SLC8A1: variants seen among roughly 807,000 people sequenced by gnomAD.
SLC8A1 encodes solute carrier family 8 member A1.
Under a neutral mutation model 68.3 loss-of-function variants are expected in SLC8A1, and 18 were observed. That is an observed-to-expected ratio of 0.26 (90% confidence interval 0.18 to 0.39). The LOEUF (loss-of-function observed/expected upper bound fraction) is 0.39, where lower values mean the gene tolerates loss of function less well. Ranked by LOEUF, SLC8A1 falls within the 10% of genes least tolerant of loss-of-function variation. The pLI is 1.00. For missense variants in SLC8A1, 985 were observed against 1,156.7 expected (o/e 0.85, Z 2.15); for synonymous variants, 475 against 415.5 (o/e 1.14, Z -1.74).
At chr2:40,164,975 T>C in exon 5 of SLC8A1, 2 of 1,613,856 alleles carry the variant, frequency 1.2e-6, no homozygotes, top group Non-Finnish European at 1.7e-6. Flanking sequence ...CTGCTTGTCA[T>C]CATATTCGTC....
intron 2 of SLC8A1, among the ~76,000 whole-genome samples, chr2:40,211,546 A>G (rs2056589066): frequency 6.6e-6 from 1 of 152,202 alleles, no homozygotes; most frequent in Non-Finnish European, 1.5e-5. Context: ...GAAGATTTTC[A>G]TGTTTAGGTG....
At chr2:40,133,713 A>ATG (rs765981386) in intron 7 of SLC8A1, among the ~76,000 whole-genome samples, 58,201 of 142,584 alleles carry the variant, frequency 0.41, 11,577 homozygotes, top group East Asian at 0.64. Flanking sequence ...CCCCCCCCCC[A>ATG]CCGACTCATC....
At chr2:40,462,509 T>A (rs1046339755) in intron 1 of SLC8A1, among the ~76,000 whole-genome samples, 1 of 151,666 alleles carries the variant, frequency 6.6e-6, no homozygotes, top group Non-Finnish European at 1.5e-5. Flanking sequence ...GTATCTCATA[T>A]TAGAGAAGAT....
At chr2:40,164,057 G>C (rs1204444951) in intron 5 of SLC8A1, among the ~76,000 whole-genome samples, 1 of 152,204 alleles carries the variant, frequency 6.6e-6, no homozygotes, top group African/African-American at 2.4e-5. Context: ...ATTCTGGAAA[G>C]CAAGAGAGGG....
At chr2:40,478,483 A>G (rs114226269) in intron 1 of SLC8A1, among the ~76,000 whole-genome samples, 1,532 of 152,314 alleles carry the variant, frequency 0.01, 32 homozygotes, top group African/African-American at 0.036. Context: ...AAAAATAACT[A>G]TTTAAAGCAA....
At chr2:40,117,933 G>T (rs1395950916) in intron 7 of SLC8A1, among the ~76,000 whole-genome samples, 1 of 152,208 alleles carries the variant, frequency 6.6e-6, no homozygotes, top group Non-Finnish European at 1.5e-5. Context: ...TACTGCATCT[G>T]CAGTATGACA....
intron 2 of SLC8A1, among the ~76,000 whole-genome samples, chr2:40,375,692 C>A (rs1266430135): frequency 6.6e-6 from 1 of 152,064 alleles, no homozygotes; most frequent in Non-Finnish European, 1.5e-5. Context: ...AAGTTAATCA[C>A]TTGACAACTA....
At chr2:40,148,424 G>T (rs771241646) in intron 6 of SLC8A1, among the ~76,000 whole-genome samples, 3 of 152,168 alleles carry the variant, frequency 2.0e-5, no homozygotes, top group Non-Finnish European at 4.4e-5. Flanking sequence ...AGGATCTCCT[G>T]AATGGACTCT....
chr2:40,396,328 T>G lies in SLC8A1; in HGVS notation c.1808+32145A>C, dbSNP rs368408156. On this transcript the variant is annotated intron_variant, in intron 2 of 7. Transcript: ENST00000406785. ...CGCTGCTTTTCCCATAGAAGTCAGG[T>G]GCTCAACTACTCAACCATGAATCTC... Among the ~76,000 whole-genome samples the G allele has an allele frequency of 3.3e-5, 5 of 152,236 alleles. No individual in the cohort carries two copies. The East Asian group carries it at 7.7e-4, about 24-fold the overall frequency.
At chr2:40,262,910 A>G (rs570636174) in intron 2 of SLC8A1, among the ~76,000 whole-genome samples, 1 of 152,348 alleles carries the variant, frequency 6.6e-6, no homozygotes, top group African/African-American at 2.4e-5. Flanking sequence ...ACATAGGATG[A>G]AGTGGCCACA....
At chr2:40,259,850 A>G (rs1248624415) in intron 2 of SLC8A1, among the ~76,000 whole-genome samples, 1 of 152,118 alleles carries the variant, frequency 6.6e-6, no homozygotes. Flanking sequence ...TTGGCCATGT[A>G]TCTTCTATTA....
intron 1 of SLC8A1, among the ~76,000 whole-genome samples, chr2:40,448,975 T>C (rs919499061): frequency 4.6e-5 from 7 of 151,968 alleles, no homozygotes; most frequent in African/African-American, 1.7e-4. Flanking sequence ...ACATATGTGC[T>C]CTAACAGCCT....
intron 6 of SLC8A1, among the ~76,000 whole-genome samples, chr2:40,142,572 G>A (rs1259507085): frequency 6.6e-6 from 1 of 152,028 alleles, no homozygotes; most frequent in African/African-American, 2.4e-5. Flanking sequence ...ACTTAATTTG[G>A]GGCATCTAAA....
chr2:40,425,392 C>A (rs1696594967), intron 2 of SLC8A1, among the ~76,000 whole-genome samples: 1 of 151,798 alleles, frequency 6.6e-6, no homozygotes, highest in African/African-American at 2.4e-5. Flanking sequence ...ATCCAACAAT[C>A]ATTAAAGCTG....
intron 2 of SLC8A1, among the ~76,000 whole-genome samples, chr2:40,199,145 T>C (rs1264156119): frequency 1.3e-5 from 2 of 151,868 alleles, no homozygotes; most frequent in South Asian, 4.1e-4. Context: ...GCTAAAAAGA[T>C]GTCCATGTTT....
intron 2 of SLC8A1, among the ~76,000 whole-genome samples, chr2:40,425,268 CATTT>C (rs1344457281): frequency 4.0e-5 from 6 of 151,698 alleles, no homozygotes; most frequent in Admixed American, 3.9e-4. Flanking sequence ...TAAATCAACT[CATTT>C]ATGTGAGAAT....
At position 40,472,984 on chromosome 2, in the gene SLC8A1, G is replaced by A. The variant is rs530609326; in HGVS notation, c.-25+39365C>T. On this transcript the variant is annotated intron_variant, in intron 1 of 7. Coordinates refer to the SLC8A1 transcript ENST00000402441. ...TAATACAGCACAGATAATACATACA[G>A]GAGGCAGATAACTCAGATTTGGAAG... Among the ~76,000 whole-genome samples the A allele has an allele frequency of 1.5e-3, 233 of 151,894 alleles. 1 individual carries two copies. Among genetic ancestry groups the A allele is most frequent in the Non-Finnish European group, 2.9e-3 (195 of 67,972 alleles).
intron 2 of SLC8A1, among the ~76,000 whole-genome samples, chr2:40,319,578 A>ATG (rs2074935598): frequency 6.6e-6 from 1 of 152,100 alleles, no homozygotes; most frequent in Non-Finnish European, 1.5e-5. Context: ...GAAAGAGTAG[A>ATG]TGCCTCACTA....
At chr2:40,313,998 A>G (rs1271239675) in intron 2 of SLC8A1, among the ~76,000 whole-genome samples, 5 of 152,066 alleles carry the variant, frequency 3.3e-5, no homozygotes, top group African/African-American at 7.2e-5. Context: ...ACTGAACAAC[A>G]TATTTCAGAG....
Sources: allele counts gnomAD v4.1 joint callset (sites outside exome capture counted in the v4.1 genomes callset), GRCh38; gene constraint gnomAD v4.1.1; transcripts MANE v1.5; gene names NCBI Gene and HGNC (gene_info 2026-07-23, HGNC 2026-07-21).